Variants in PHF24 observed in about 807,000 individuals in gnomAD.
PHF24 encodes Galpha inhibitory interacting protein.
In PHF24, 25 loss-of-function variants were observed where a neutral mutation model predicts 42.6. That is an observed-to-expected ratio of 0.59 (90% CI 0.43 to 0.82). The LOEUF is 0.82. Among genes scored for constraint, PHF24 ranks in the 40% least tolerant of loss-of-function variants. The pLI is 0.00. For synonymous variants in PHF24, 185 were observed against 204.8 expected, an observed-to-expected ratio of 0.90 and a Z score of 0.83; for missense variants, 470 against 538.1, an observed-to-expected ratio of 0.87 and a Z score of 1.25.
chr9:34,665,797 C>T, the PHF24 span: 1 of 637,878 alleles, frequency 1.6e-6, no homozygotes, highest in Non-Finnish European at 2.8e-6. Context: ...CCCGAGAAGC[C>T]TCAGTTGCCA....
the PHF24 span, among the ~76,000 whole-genome samples, chr9:34,825,938 C>T: frequency 2.2e-4 from 34 of 152,320 alleles, no homozygotes; most frequent in Non-Finnish European, 1.3e-4. Flanking sequence ...GGACCCGCCC[C>T]TGTGGCCTTT....
At chr9:34,757,900 G>A in the PHF24 span, among the ~76,000 whole-genome samples, 1 of 152,114 alleles carries the variant, frequency 6.6e-6, no homozygotes, top group Admixed American at 6.5e-5. Flanking sequence ...TATTACTCTG[G>A]TTAGGAGAAC....
At chr9:34,891,409 C>T in the PHF24 span, among the ~76,000 whole-genome samples, 1 of 152,204 alleles carries the variant, frequency 6.6e-6, no homozygotes, top group African/African-American at 2.4e-5. Flanking sequence ...GGCTCTGCAA[C>T]ATTACCTTGG....
the PHF24 span, among the ~76,000 whole-genome samples, chr9:34,856,208 G>A: frequency 3.3e-5 from 5 of 152,136 alleles, no homozygotes; most frequent in African/African-American, 9.6e-5. Context: ...CTTTGTATTG[G>A]GTTGGAACAT....
At chr9:34,835,761 A>C in the PHF24 span, 3 of 1,551,262 alleles carry the variant, frequency 1.9e-6, no homozygotes, top group East Asian at 7.3e-5. Flanking sequence ...ACTGGGTTAA[A>C]GATTTCTGAT....
the PHF24 span, among the ~76,000 whole-genome samples, chr9:34,928,845 C>T: frequency 3.7e-4 from 57 of 152,206 alleles, no homozygotes; most frequent in Admixed American, 5.9e-4. Context: ...ACACTACCAC[C>T]AGAACTCTGG....
chr9:34,850,606 G>A, the PHF24 span, among the ~76,000 whole-genome samples: 17 of 152,258 alleles, frequency 1.1e-4, no homozygotes, highest in South Asian at 6.2e-4. Flanking sequence ...TCAACTCGTC[G>A]AAGTCATTCT....
chr9:34,832,895 T>C, the PHF24 span: 1 of 1,551,722 alleles, frequency 6.4e-7, no homozygotes, highest in Non-Finnish European at 8.7e-7. Context: ...TTGCAGGTCC[T>C]TCTCAGACTC....
the PHF24 span, among the ~76,000 whole-genome samples, chr9:34,939,114 C>G: frequency 2.0e-5 from 3 of 151,860 alleles, no homozygotes; most frequent in African/African-American, 7.3e-5. Context: ...AACCGCATCT[C>G]TACTAAAAAT....
chr9:34,669,724 G>A, the PHF24 span, among the ~76,000 whole-genome samples: 2 of 152,094 alleles, frequency 1.3e-5, no homozygotes. Context: ...CCCTAATGGT[G>A]TGTAATAAAG....
the PHF24 span, among the ~76,000 whole-genome samples, chr9:34,845,897 G>C: frequency 6.6e-6 from 1 of 151,806 alleles, no homozygotes; most frequent in Non-Finnish European, 1.5e-5. Flanking sequence ...ATGATTTCCA[G>C]TTTCATCCAT....
At chr9:34,857,972 G>GTTTTTTTTTT in the PHF24 span, among the ~76,000 whole-genome samples, 2 of 95,952 alleles carry the variant, frequency 2.1e-5, no homozygotes, top group Non-Finnish European at 4.8e-5. Context: ...TGTTTCTCTG[G>GTTTTTTTTTT]TTTTTTTTTT....
chr9:34,671,961 TCAAC>T, the PHF24 span, among the ~76,000 whole-genome samples: 1 of 152,340 alleles, frequency 6.6e-6, no homozygotes, highest in Admixed American at 6.5e-5. Flanking sequence ...ATCTGTATGT[TCAAC>T]CATTATTCAT....
At chr9:34,917,354 G>A in the PHF24 span, 3,159 of 795,210 alleles carry the variant, frequency 4.0e-3, 34 homozygotes, top group South Asian at 0.014. Context: ...TGCCTGAGGG[G>A]AATTTTGATG....
At chr9:34,922,305 A>T in the PHF24 span, 2 of 1,591,930 alleles carry the variant, frequency 1.3e-6, no homozygotes, top group Non-Finnish European at 1.7e-6. Flanking sequence ...CTCTTCACTT[A>T]ATGTATCAAG....
At chr9:34,694,445 C>T in the PHF24 span, among the ~76,000 whole-genome samples, 1 of 152,088 alleles carries the variant, frequency 6.6e-6, no homozygotes, top group African/African-American at 2.4e-5. Context: ...ATTCTGCTGC[C>T]TCAGCCTCCT....
the PHF24 span, chr9:34,726,312 G>C: frequency 6.5e-7 from 1 of 1,532,392 alleles, no homozygotes; most frequent in Non-Finnish European, 8.8e-7. Context: ...CGTCTTGGGA[G>C]CCCCCACCTC....
At chr9:34,852,563 G>A in the PHF24 span, among the ~76,000 whole-genome samples, 1 of 152,152 alleles carries the variant, frequency 6.6e-6, no homozygotes, top group Non-Finnish European at 1.5e-5. Flanking sequence ...TTCATTGTCA[G>A]TTTCTTTTCC....
the PHF24 span, chr9:34,726,674 G>C: frequency 1.3e-6 from 2 of 1,551,188 alleles, no homozygotes; most frequent in Non-Finnish European, 1.7e-6. Flanking sequence ...ATCTGCATAC[G>C]TTGACTGGGC....
Sources: gnomAD v4.1 joint callset for allele counts (sites outside exome capture counted in the v4.1 genomes callset) on GRCh38, gnomAD v4.1.1 for gene constraint, MANE v1.5 for transcripts, NCBI Gene and HGNC (gene_info 2026-07-23, HGNC 2026-07-21) for gene names.